PARD3: variants seen among roughly 807,000 people sequenced by gnomAD.
The protein encoded by PARD3 is partitioning defective 3 homolog.
A neutral mutation model predicts 155.4 loss-of-function variants in PARD3; 75 were observed. The observed-to-expected ratio is 0.48, with a 90% confidence interval of 0.40 to 0.58. The LOEUF is 0.58. Among genes scored for constraint, PARD3 ranks in the 20% least tolerant of loss-of-function variants. The probability of loss-of-function intolerance (pLI) is 0.00; values close to 1 mark genes in which losing one functional copy is unlikely to be tolerated. For missense variants in PARD3, 1,642 were observed against 1,721.7 expected (o/e 0.95, Z 0.82); for synonymous variants, 576 against 610.5 (o/e 0.94, Z 0.83).
chr10:34,284,380 A>G (rs1956291892), intron 20 of PARD3, 135 bp from the exon 21 acceptor site: 1 of 550,006 alleles, frequency 1.8e-6, no homozygotes, highest in Non-Finnish European at 3.2e-6. Flanking sequence ...TGCAGTCAGT[A>G]GTTTGGGTCA....
At chr10:34,196,820 A>G (rs942863928) in intron 22 of PARD3, among the ~76,000 whole-genome samples, 5 of 151,780 alleles carry the variant, frequency 3.3e-5, no homozygotes, top group Non-Finnish European at 5.9e-5. Flanking sequence ...TGATCCGCCC[A>G]CCTTGGCCTC....
intron 2 of PARD3, among the ~76,000 whole-genome samples, chr10:34,576,283 C>T (rs1242576106): frequency 6.6e-6 from 1 of 152,230 alleles, no homozygotes; most frequent in African/African-American, 2.4e-5. Flanking sequence ...GGCCTCTCTT[C>T]CTCACCCCAA....
chr10:34,217,406 TACAA>T (rs1952052993), intron 22 of PARD3, among the ~76,000 whole-genome samples: 1 of 152,188 alleles, frequency 6.6e-6, no homozygotes, highest in Admixed American at 6.5e-5. Context: ...ACTCCCTTTG[TACAA>T]GTCTCAATAC....
chr10:34,401,745 C>A (rs1843904606), intron 6 of PARD3, 81 bp downstream of exon 6: 6 of 889,070 alleles, frequency 6.7e-6, no homozygotes, highest in South Asian at 1.3e-5. Context: ...ATTCCTCATG[C>A]CATATGCTTT....
chr10:34,546,730 G>C (rs538155950), intron 2 of PARD3, among the ~76,000 whole-genome samples: 9 of 152,066 alleles, frequency 5.9e-5, no homozygotes, highest in Middle Eastern at 3.4e-3. Context: ...GGTTTCACTG[G>C]GTACAAATGT....
chr10:34,330,189 G>T (rs909044315), intron 19 of PARD3, among the ~76,000 whole-genome samples: 1 of 152,090 alleles, frequency 6.6e-6, no homozygotes, highest in Non-Finnish European at 1.5e-5. Context: ...AGCAATATAA[G>T]ATAATCAACA....
chr10:34,194,395 C>T (rs1333590292), intron 22 of PARD3, among the ~76,000 whole-genome samples: 2 of 152,058 alleles, frequency 1.3e-5, no homozygotes, highest in Non-Finnish European at 2.9e-5. Flanking sequence ...GCCTGTGTGG[C>T]CCGAGCCGCT....
At chr10:34,548,104 C>A (rs2084247743) in intron 2 of PARD3, among the ~76,000 whole-genome samples, 1 of 152,146 alleles carries the variant, frequency 6.6e-6, no homozygotes, top group Non-Finnish European at 1.5e-5. Context: ...TTAATTAATC[C>A]AGGAAACTCC....
chr10:34,419,739 A>G (rs941479953), intron 5 of PARD3, among the ~76,000 whole-genome samples: 1 of 152,134 alleles, frequency 6.6e-6, no homozygotes, highest in Non-Finnish European at 1.5e-5. Flanking sequence ...TTCTATTCCA[A>G]CTCTCCCTTC....
At position 34,344,831 on chromosome 10, in the gene PARD3, T is replaced by C. The variant is rs1285227056; in HGVS notation, c.2219-3015A>G. The C allele has an allele frequency of 4.1e-6, 4 of 985,280 alleles. No homozygotes were observed. The African/African-American group carries it at 7.0e-5, about 17-fold the overall frequency. The allele number at this position is 985,280 out of a possible 1,614,324, so 61.0% of individuals were successfully genotyped here. Reference sequence around the variant, plus strand: ...GGAAATCCTAATCAGGTGTGACTCATGATAAAGAAAAACATGCATCCAAAT... The same window carrying C: ...GGAAATCCTAATCAGGTGTGACTCACGATAAAGAAAAACATGCATCCAAAT... On this transcript the variant is annotated intron_variant, in intron 15 of 24. Transcript: ENST00000374788.
At chr10:34,593,784 T>C (rs889292484) in intron 2 of PARD3, among the ~76,000 whole-genome samples, 8 of 152,244 alleles carry the variant, frequency 5.3e-5, no homozygotes, top group African/African-American at 1.9e-4. Flanking sequence ...ACCATTCATA[T>C]GAGCATTATT....
At position 34,254,310 on chromosome 10, in the gene PARD3, C is replaced by T. The variant is rs138689348; in HGVS notation, c.3419+15347G>A. On this transcript the variant is annotated intron_variant, in intron 22 of 24. Transcript: ENST00000374788. ...AGAAGAATGGCGTGAACCCAGGAGG[C>T]AGAGCTTGCAGTGAGCCGAGATCGC... Among the ~76,000 whole-genome samples the T allele has an allele frequency of 6.6e-3, 1,003 of 151,948 alleles. 10 individuals carry two copies. The highest frequency in any genetic ancestry group is 0.023 in the African/African-American group (950 of 41,336).
chr10:34,225,737 C>G (rs1326252147), intron 22 of PARD3, among the ~76,000 whole-genome samples: 2 of 152,078 alleles, frequency 1.3e-5, no homozygotes, highest in African/African-American at 4.8e-5. Flanking sequence ...AAAATTATCT[C>G]AAAATGGACC....
Position 34,609,667 on chromosome 10 carries a change from A to G in PARD3, c.222+86651T>C, listed in dbSNP as rs573839938. 5.9e-5 allele frequency among the ~76,000 whole-genome samples: 9 copies of G among 152,240 alleles called. No homozygotes were observed. In the South Asian group the frequency reaches 1.7e-3, roughly 28 times the overall value. On this transcript the variant is annotated intron_variant, in intron 2 of 24. Transcript: ENST00000374788. Reference sequence around the variant, plus strand: ...CAGTGATCCTCCCGTCTCAGCCTCCATAGTAGCTAGGGCTATCTAGCCACC... The same window carrying G: ...CAGTGATCCTCCCGTCTCAGCCTCCGTAGTAGCTAGGGCTATCTAGCCACC...
intron 20 of PARD3, among the ~76,000 whole-genome samples, chr10:34,293,214 G>C (rs1436892051): frequency 6.6e-6 from 1 of 152,164 alleles, no homozygotes; most frequent in Non-Finnish European, 1.5e-5. Context: ...GAAAGAAGAT[G>C]AGTGAAAGCA....
At chr10:34,500,510 G>A (rs896902367) in intron 3 of PARD3, among the ~76,000 whole-genome samples, 1 of 152,164 alleles carries the variant, frequency 6.6e-6, no homozygotes, top group African/African-American at 2.4e-5. Flanking sequence ...GGGAGGTCAA[G>A]GCAGGCAGAT....
At chr10:34,714,619 G>C (rs2094491812) in intron 1 of PARD3, among the ~76,000 whole-genome samples, 2 of 152,130 alleles carry the variant, frequency 1.3e-5, no homozygotes, top group Non-Finnish European at 1.5e-5. Context: ...GATTGCTGAT[G>C]TCTGAGGTGG....
At chr10:34,491,221 T>C (rs1023927121) in intron 3 of PARD3, among the ~76,000 whole-genome samples, 3 of 152,146 alleles carry the variant, frequency 2.0e-5, no homozygotes, top group Admixed American at 1.3e-4. Context: ...CAAAAACACA[T>C]CTCTCTGAAA....
At chr10:34,672,703 G>A (rs1324709315) in intron 2 of PARD3, among the ~76,000 whole-genome samples, 1 of 152,162 alleles carries the variant, frequency 6.6e-6, no homozygotes, top group African/African-American at 2.4e-5. Flanking sequence ...TAACCAGTAT[G>A]CTCCTTGTAG....
Sources: allele counts gnomAD v4.1 joint callset (sites outside exome capture counted in the v4.1 genomes callset), GRCh38; gene constraint gnomAD v4.1.1; transcripts MANE v1.5; gene names NCBI Gene and HGNC (gene_info 2026-07-23, HGNC 2026-07-21).